The following MYO7B variants were observed in gnomAD, a reference collection of about 807,000 sequenced individuals.
MYO7B encodes unconventional myosin-VIIb.
A neutral mutation model predicts 259.7 loss-of-function variants in MYO7B; 212 were observed. That is an observed-to-expected ratio of 0.82 (90% CI 0.73 to 0.91). The LOEUF (loss-of-function observed/expected upper bound fraction) is 0.91. MYO7B is among the 40% of genes least tolerant of loss of function. MYO7B has a pLI of 0.00. For synonymous variants in MYO7B, 1,197 were observed against 1,166.4 expected (o/e 1.03, Z -0.54); for missense variants, 2,732 against 2,813.5 (o/e 0.97, Z 0.66).
At chr2:127,538,568 T>G (rs1208536661) in intron 1 of MYO7B, among the ~76,000 whole-genome samples, 1 of 151,970 alleles carries the variant, frequency 6.6e-6, no homozygotes, top group African/African-American at 2.4e-5. Context: ...TCTTGTTTCT[T>G]TCTTTTTTTT....
intron 3 of MYO7B, among the ~76,000 whole-genome samples, chr2:127,564,538 G>T (rs1182685914): frequency 6.6e-6 from 1 of 152,230 alleles, no homozygotes; most frequent in Non-Finnish European, 1.5e-5. Flanking sequence ...AACGGGCAAG[G>T]GGGAAAGGTG....
At chr2:127,623,996 A>G (rs1367963471) in intron 29 of MYO7B, 97 bp from the exon 30 acceptor site, 4 of 1,177,024 alleles carry the variant, frequency 3.4e-6, no homozygotes, top group Non-Finnish European at 4.7e-6. Context: ...CAAGGGCCCC[A>G]GGCCCTGTCT....
intron 1 of MYO7B, among the ~76,000 whole-genome samples, chr2:127,541,876 C>A (rs1375011473): frequency 6.6e-6 from 1 of 152,248 alleles, no homozygotes; most frequent in Non-Finnish European, 1.5e-5. Flanking sequence ...AGGGTCTCTT[C>A]CCCGGGGCTG....
At position 127,612,508 on chromosome 2, in the gene MYO7B, A is replaced by C; in HGVS notation, c.3303A>C (p.Ala1101=). The C allele has an allele frequency of 6.4e-7, 1 of 1,563,946 alleles. No homozygotes were observed. Among genetic ancestry groups the C allele is most frequent in the Non-Finnish European group, 8.7e-7 (1 of 1,154,072 alleles). The change falls in exon 26 of 48, where the codon GCA becomes GCC. Residue 1101 remains alanine (A), a synonymous_variant. Coordinates refer to ENST00000409816, the MANE Select transcript of MYO7B (RefSeq NM_001393586.1). ...GCCAGCTGAACATTGGAGAGGAGGCATTGGAGCCTGATGGCCTTGGTGCAG... is the reference window on the plus strand; with the variant it reads ...GCCAGCTGAACATTGGAGAGGAGGCCTTGGAGCCTGATGGCCTTGGTGCAG... ...VASQLNIGEE[A]LEPDGLGADR...
At chr2:127,582,492 A>C (rs751841197) in intron 12 of MYO7B, 46 bp downstream of exon 12, 1 of 1,601,474 alleles carries the variant, frequency 6.2e-7, no homozygotes, top group Non-Finnish European at 8.5e-7. Flanking sequence ...AGAAAACAGA[A>C]GATAAGCAGC....
chr2:127,563,751 T>C (rs562409136), intron 2 of MYO7B, among the ~76,000 whole-genome samples: 1 of 152,334 alleles, frequency 6.6e-6, no homozygotes, highest in Admixed American at 6.5e-5. Context: ...CATCCTCCTA[T>C]TGCTTGTGGG....
intron 6 of MYO7B, among the ~76,000 whole-genome samples, chr2:127,572,135 T>C (rs570668374): frequency 6.6e-6 from 1 of 152,322 alleles, no homozygotes; most frequent in South Asian, 2.1e-4. Context: ...AAAAAGACTT[T>C]TGGCTGGGCA....
In MYO7B at chr2:127,627,669, T is replaced by C. The variant is rs58961411; in HGVS notation, c.4460+359T>C. The C allele has an allele frequency of 0.18, 84,337 of 465,178 alleles. 8,143 individuals are homozygous for C. The highest frequency in any genetic ancestry group is 0.32 in the Middle Eastern group (991 of 3,136). 28.8% of individuals were successfully genotyped at this position (465,178 alleles called of 1,614,324 possible). A position where few individuals can be genotyped will look rare whatever the true frequency, so the allele number is the denominator to read the frequency against. ...GGTGGCCTGGAGGGTACAGGTTGTC[T>C]GGGAAGGCGACAAGGGACAGTGCCT... On this transcript the variant is annotated intron_variant, in intron 33 of 47. Transcript: ENST00000409816. This position sits in a 1 kb window ranked among gnomAD's most constrained non-coding sequence, Gnocchi z 5.6.
intron 26 of MYO7B, among the ~76,000 whole-genome samples, chr2:127,617,113 C>A (rs1340254327): frequency 6.6e-6 from 1 of 152,228 alleles, no homozygotes; most frequent in African/African-American, 2.4e-5. Context: ...GTTCCCACAT[C>A]TTGACAAGCT....
At chr2:127,608,416 C>T (rs1326456329) in intron 21 of MYO7B, among the ~76,000 whole-genome samples, 1 of 152,102 alleles carries the variant, frequency 6.6e-6, no homozygotes, top group Non-Finnish European at 1.5e-5. Context: ...CCTGGGGGTC[C>T]CTGGAGTTTG....
intron 19 of MYO7B, among the ~76,000 whole-genome samples, chr2:127,603,882 C>G (rs1350432367): frequency 6.6e-6 from 1 of 152,138 alleles, no homozygotes; most frequent in African/African-American, 2.4e-5. Context: ...GCCTGTAATC[C>G]CAGCACTTTG....
Position 127,631,360 on chromosome 2 carries a change from G to C in MYO7B, c.5092G>C (p.Val1698Leu). Residue 1698 changes from valine to leucine, a missense_variant, in exon 37 of 48, where the codon GTC becomes CTC. By Grantham distance (32) the Val-to-Leu change is conservative. Transcript: ENST00000409816. ...DLWDIACQIF[V>L]AILRYMGDYP... Reference sequence around the variant, plus strand: ...CTGGGACATCGCCTGCCAGATCTTTGTCGATATCCTTCCCCACCAGCCTGC... The same window carrying C: ...CTGGGACATCGCCTGCCAGATCTTTCTCGATATCCTTCCCCACCAGCCTGC... 1 of 1,604,944 alleles carries C rather than the reference G, an allele frequency of 6.2e-7. No individual in the cohort carries two copies. Among genetic ancestry groups the C allele is most frequent in the Non-Finnish European group, 8.5e-7 (1 of 1,173,640 alleles).
In MYO7B at chr2:127,584,059, C is replaced by T. The variant is rs1413789523; in HGVS notation, c.1344-63C>T. On this transcript the variant is annotated intron_variant, in intron 12 of 47. Coordinates refer to ENST00000409816, the MANE Select transcript of MYO7B (RefSeq NM_001393586.1). The surrounding 1 kb of genome is among the most constrained non-coding windows in gnomAD (Gnocchi z 5.8). ...ATGGCTGGTGATCCTATGGCTCCAG[C>T]CTGCTGCAGCGGGGACTCAGCTGGC... 1.0e-5 allele frequency: 15 copies of T among 1,476,738 alleles called. No individual in the cohort carries two copies. Among genetic ancestry groups the T allele is most frequent in the Non-Finnish European group, 1.4e-5 (15 of 1,077,598 alleles). The allele number at this position is 1,476,738 out of a possible 1,614,324, so 91.5% of individuals were successfully genotyped here.
chr2:127,633,219 G>A, intron 39 of MYO7B, 39 bp from the exon 40 acceptor site: 2 of 1,502,570 alleles, frequency 1.3e-6, no homozygotes, highest in Non-Finnish European at 1.8e-6. Context: ...TGAGGATGAG[G>A]GTGGGGGTGG....
chr2:127,579,706 C>T (rs982602955), intron 9 of MYO7B, among the ~76,000 whole-genome samples: 1 of 152,192 alleles, frequency 6.6e-6, no homozygotes, highest in Admixed American at 6.5e-5. Context: ...CCACCTCAGC[C>T]TCCTGAGTAG....
Position 127,627,376 on chromosome 2 carries a change from G to A in MYO7B, c.4460+66G>A, listed in dbSNP as rs1432535051. 6.5e-7 allele frequency: 1 copy of A among 1,536,412 alleles called. No individual in the cohort carries two copies. Among genetic ancestry groups the A allele is most frequent in the Non-Finnish European group, 8.9e-7 (1 of 1,127,392 alleles). On this transcript the variant is annotated intron_variant, in intron 33 of 47. Coordinates refer to ENST00000409816, the MANE Select transcript of MYO7B (RefSeq NM_001393586.1). This position sits in a 1 kb window ranked among gnomAD's most constrained non-coding sequence, Gnocchi z 5.6. ...CCTTGTGATGCATCTGGGGGCTCGG[G>A]GAGAGATGGGGAGAGGGGCAGTGTG...
rs1679819292 is a variant in MYO7B, at chr2:127,597,568, G to A, written c.2339+1012G>A. Among the ~76,000 whole-genome samples, 1 of 151,760 alleles carries A rather than the reference G, an allele frequency of 6.6e-6. No homozygotes were observed. The highest frequency in any genetic ancestry group is 1.5e-5 in the Non-Finnish European group (1 of 67,964). On this transcript the variant is annotated intron_variant, in intron 19 of 47. Transcript: ENST00000409816. The surrounding 1 kb of genome is among the most constrained non-coding windows in gnomAD (Gnocchi z 4.8). The stretch of plus-strand genomic sequence containing the variant: ...AGCCTGGGGTGGGCTTTTTTCACTT[G>A]GCATGTTTCTCTGGAGATTCATCCA...
At chr2:127,616,613 T>G (rs1320253332) in intron 26 of MYO7B, among the ~76,000 whole-genome samples, 7 of 152,232 alleles carry the variant, frequency 4.6e-5, no homozygotes, top group Non-Finnish European at 1.0e-4. Context: ...GGTCCCCAGA[T>G]ACCGGTGGGA....
rs1454972769 is a variant in MYO7B at position 127,535,950 on chromosome 2, A to T, written c.-24+119A>T. On this transcript the variant is annotated intron_variant, in intron 1 of 47. Transcript: ENST00000409816. This position sits in a 1 kb window ranked among gnomAD's most constrained non-coding sequence, Gnocchi z 4.8. ...AAGATGGAACAGGTCTGAGGGATAGAGAGTGGAGAAGCCCTTCAGGAGCCT... is the reference window on the plus strand; with the variant it reads ...AAGATGGAACAGGTCTGAGGGATAGTGAGTGGAGAAGCCCTTCAGGAGCCT... 6.6e-6 allele frequency: 1 copy of T among 152,542 alleles called. No individual in the cohort carries two copies. Among genetic ancestry groups the T allele is most frequent in the Non-Finnish European group, 1.5e-5 (1 of 68,328 alleles). 9.4% of individuals were successfully genotyped at this position (152,542 alleles called of 1,614,324 possible).
Sources: gnomAD v4.1 joint callset for allele counts (sites outside exome capture counted in the v4.1 genomes callset) on GRCh38, gnomAD v4.1.1 for gene constraint, Gnocchi (gnomAD v3.1) non-coding constraint, MANE v1.5 for transcripts, NCBI Gene and HGNC (gene_info 2026-07-23, HGNC 2026-07-21) for gene names.